FBXO4: variants seen among roughly 807,000 people sequenced by gnomAD.
FBXO4 encodes the protein F-box only protein 4.
A neutral mutation model predicts 43.7 loss-of-function variants in FBXO4; 36 were observed. The ratio of observed to expected loss-of-function variants is 0.82; its 90% CI spans 0.63 to 1.09. FBXO4 has a LOEUF of 1.09. Among genes scored for constraint, FBXO4 ranks in the 50% least tolerant of loss-of-function variants. The pLI is 0.00. For missense variants in FBXO4, 435 were observed against 474.1 expected, an observed-to-expected ratio of 0.92 and a Z score of 0.77; for synonymous variants, 180 against 165.6, an observed-to-expected ratio of 1.09 and a Z score of -0.67.
downstream of FBXO4, among the ~76,000 whole-genome samples, chr5:41,944,009 G>T (rs1015492100): frequency 1.3e-5 from 2 of 152,174 alleles, no homozygotes; most frequent in Non-Finnish European, 2.9e-5. Context: ...CAAACCTGTT[G>T]ACACTTTCAT....
At chr5:42,011,258 G>A in the FBXO4 span, among the ~76,000 whole-genome samples, 2 of 152,192 alleles carry the variant, frequency 1.3e-5, no homozygotes, top group Admixed American at 6.5e-5. Context: ...TTTGGTAATG[G>A]AGACAGTTTC....
chr5:42,003,823 C>T, the FBXO4 span, among the ~76,000 whole-genome samples: 2 of 152,190 alleles, frequency 1.3e-5, no homozygotes, highest in South Asian at 4.1e-4. Context: ...GTGGTGATTC[C>T]TCAAGGATCT....
chr5:42,038,573 G>T, the FBXO4 span, among the ~76,000 whole-genome samples: 2 of 151,944 alleles, frequency 1.3e-5, no homozygotes, highest in Non-Finnish European at 2.9e-5. Flanking sequence ...GAGTAATTGT[G>T]GTATCTATCA....
the FBXO4 span, among the ~76,000 whole-genome samples, chr5:42,007,199 TA>T: frequency 0.18 from 26,504 of 150,818 alleles, 2,535 homozygotes; most frequent in Middle Eastern, 0.3. Flanking sequence ...GATGTCTTTA[TA>T]AAAAAAGGAC....
At chr5:41,992,088 T>A in the FBXO4 span, among the ~76,000 whole-genome samples, 789 of 152,050 alleles carry the variant, frequency 5.2e-3, 6 homozygotes, top group African/African-American at 0.018. Context: ...CATAAAAAAA[T>A]ATATATATAT....
At chr5:41,934,673 T>G in intron 5 of FBXO4, 1 of 1,085,682 alleles carries the variant, frequency 9.2e-7, no homozygotes, top group Non-Finnish European at 1.1e-6. Flanking sequence ...ATTTTTTTGA[T>G]ACTGACATTT....
the FBXO4 span, among the ~76,000 whole-genome samples, chr5:41,964,917 G>A: frequency 3.3e-5 from 5 of 152,052 alleles, no homozygotes; most frequent in African/African-American, 1.2e-4. Flanking sequence ...TTTGGCTTTT[G>A]TTGCCATTGC....
chr5:42,015,349 C>A, the FBXO4 span, among the ~76,000 whole-genome samples: 1 of 152,140 alleles, frequency 6.6e-6, no homozygotes. Context: ...CTTTAGGAGA[C>A]GTTGTATTCT....
At chr5:41,935,302 C>A (rs11747648) in intron 5 of FBXO4, among the ~76,000 whole-genome samples, 12,092 of 152,192 alleles carry the variant, frequency 0.079, 691 homozygotes, top group African/African-American at 0.16. Flanking sequence ...ACTAGGTGCT[C>A]ATGTAAAAGG....
the FBXO4 span, among the ~76,000 whole-genome samples, chr5:41,946,894 G>T: frequency 1.3e-5 from 2 of 152,140 alleles, no homozygotes; most frequent in African/African-American, 2.4e-5. Context: ...GCTTCTTCAA[G>T]ATTTCAAGTA....
chr5:41,939,274 TGC>T, intron 5 of FBXO4, 165 bp from the exon 6 acceptor site: 2 of 514,212 alleles, frequency 3.9e-6, no homozygotes, highest in African/African-American at 1.9e-5. Flanking sequence ...CAAGCATTTT[TGC>T]TTTTAAACTG....
the FBXO4 span, among the ~76,000 whole-genome samples, chr5:42,018,905 A>G: frequency 1.3e-5 from 2 of 152,168 alleles, no homozygotes; most frequent in East Asian, 1.9e-4. Flanking sequence ...TGCTAGGGCT[A>G]CTAATGGGTA....
At chr5:41,931,062 C>T (rs1236185016) in intron 3 of FBXO4, among the ~76,000 whole-genome samples, 5 of 152,134 alleles carry the variant, frequency 3.3e-5, no homozygotes, top group African/African-American at 1.2e-4. Context: ...ACATATGTAC[C>T]ATGCTTAAGC....
At chr5:42,009,889 C>T in the FBXO4 span, among the ~76,000 whole-genome samples, 1 of 152,178 alleles carries the variant, frequency 6.6e-6, no homozygotes, top group East Asian at 1.9e-4. Context: ...TTTAAATCTT[C>T]CCAAACTAAA....
At chr5:41,947,590 T>C in the FBXO4 span, among the ~76,000 whole-genome samples, 1 of 151,684 alleles carries the variant, frequency 6.6e-6, no homozygotes, top group Admixed American at 6.6e-5. Context: ...GACTGGGGAG[T>C]AGTGGGAAAA....
the FBXO4 span, among the ~76,000 whole-genome samples, chr5:42,003,730 C>T: frequency 6.9e-6 from 1 of 145,576 alleles, no homozygotes; most frequent in African/African-American, 2.5e-5. Flanking sequence ...CAAGTGTTCT[C>T]ATTGTTCAAT....
At chr5:41,979,237 G>T in the FBXO4 span, among the ~76,000 whole-genome samples, 1 of 152,178 alleles carries the variant, frequency 6.6e-6, no homozygotes, top group Non-Finnish European at 1.5e-5. Context: ...CTCTCAAGTT[G>T]TTGGATTAAA....
chr5:41,999,494 C>CGT, the FBXO4 span, among the ~76,000 whole-genome samples: 11 of 86,870 alleles, frequency 1.3e-4, no homozygotes, highest in African/African-American at 5.3e-4. Context: ...TATATATATA[C>CGT]ATATATATAT....
chr5:42,031,995 T>C, the FBXO4 span, among the ~76,000 whole-genome samples: 1 of 151,934 alleles, frequency 6.6e-6, no homozygotes, highest in African/African-American at 2.4e-5. Flanking sequence ...AGACTCTTGT[T>C]CTCTTCCCTT....
Sources: allele counts gnomAD v4.1 joint callset (sites outside exome capture counted in the v4.1 genomes callset), GRCh38; gene constraint gnomAD v4.1.1; transcripts MANE v1.5; gene names NCBI Gene and HGNC (gene_info 2026-07-23, HGNC 2026-07-21).